The following HDLBP variants were observed in gnomAD, a reference collection of about 807,000 sequenced individuals.
The protein encoded by HDLBP is vigilin.
In HDLBP, 30 loss-of-function variants were observed where a neutral mutation model predicts 137.3. The ratio of observed to expected loss-of-function variants is 0.22; its 90% CI spans 0.16 to 0.30. The LOEUF (loss-of-function observed/expected upper bound fraction) is 0.30. HDLBP is among the 10% of genes least tolerant of loss of function. HDLBP has a pLI of 1.00. For synonymous variants in HDLBP, 606 were observed against 596.0 expected (o/e 1.02, Z -0.24); for missense variants, 1,119 against 1,667.3 (o/e 0.67, Z 5.73).
intron 1 of HDLBP, among the ~76,000 whole-genome samples, chr2:241,276,732 T>C (rs2149601901): frequency 6.6e-6 from 1 of 152,234 alleles, no homozygotes; most frequent in South Asian, 2.1e-4. Context: ...GGTCAAGAAC[T>C]TAAAAATTCA....
chr2:241,310,342 T>G (rs1317717568), intron 1 of HDLBP, among the ~76,000 whole-genome samples: 2 of 152,218 alleles, frequency 1.3e-5, no homozygotes, highest in Admixed American at 1.3e-4. Flanking sequence ...GGTTTTCTTT[T>G]ATGAGATATA....
In HDLBP at chr2:241,259,807, T is replaced by C. The variant is rs546148491; in HGVS notation, c.450+2904A>G. Among the ~76,000 whole-genome samples the C allele has an allele frequency of 1.5e-4, 23 of 152,218 alleles. No homozygotes were observed. In the South Asian group the frequency reaches 4.1e-3, roughly 27 times the overall value. On this transcript the variant is annotated intron_variant, in intron 5 of 27. Transcript: ENST00000310931. ...CTTAAAAGTACAATTATCCTAGCTCTGTCTTCTGAAAAAGCCTAGAAGCTC... is the reference window on the plus strand; with the variant it reads ...CTTAAAAGTACAATTATCCTAGCTCCGTCTTCTGAAAAAGCCTAGAAGCTC...
intron 5 of HDLBP, among the ~76,000 whole-genome samples, chr2:241,261,373 TATA>T (rs1167098647): frequency 6.6e-6 from 1 of 152,032 alleles, no homozygotes; most frequent in Non-Finnish European, 1.5e-5. Flanking sequence ...GTTAAAAAGG[TATA>T]ATATTAAGAA....
intron 1 of HDLBP, among the ~76,000 whole-genome samples, chr2:241,307,319 G>A (rs2075615313): frequency 6.6e-6 from 1 of 152,258 alleles, no homozygotes; most frequent in African/African-American, 2.4e-5. Context: ...GCCACTTGCT[G>A]ACTGTTGACT....
In HDLBP at chr2:241,233,394, T is replaced by A. The variant is rs927775977; in HGVS notation, c.3288+426A>T. Reference sequence around the variant, plus strand: ...AACAACAAGAGTTTACTAAGGACCATCTGGCAAGCACAACGGTGTTTGCAG... The same window carrying A: ...AACAACAAGAGTTTACTAAGGACCAACTGGCAAGCACAACGGTGTTTGCAG... On this transcript the variant is annotated intron_variant, in intron 24 of 27. Coordinates refer to ENST00000310931, the MANE Select transcript of HDLBP (RefSeq NM_005336.6). The surrounding 1 kb of genome is among the most constrained non-coding windows in gnomAD (Gnocchi z 4.3). 2.3e-4 allele frequency among the ~76,000 whole-genome samples: 35 copies of A among 152,180 alleles called. No individual in the cohort carries two copies. The highest frequency in any genetic ancestry group is 8.4e-4 in the African/African-American group (35 of 41,530).
intron 9 of HDLBP, among the ~76,000 whole-genome samples, 163 bp from the exon 10 acceptor site, chr2:241,253,660 G>C (rs1226815674): frequency 6.6e-6 from 1 of 152,188 alleles, no homozygotes; most frequent in African/African-American, 2.4e-5. Flanking sequence ...AAAGTTGAAA[G>C]GGAGGGTTAG....
chr2:241,262,695 G>C lies in HDLBP; in HGVS notation c.450+16C>G, dbSNP rs1443164066. 6.3e-7 allele frequency: 1 copy of C among 1,592,576 alleles called. No homozygotes were observed. Among genetic ancestry groups the C allele is most frequent in the South Asian group, 1.1e-5 (1 of 90,586 alleles). On this transcript the variant is annotated intron_variant, in intron 5 of 27. Transcript: ENST00000310931. Reference sequence around the variant, plus strand: ...GTACACAGTCACTGGGGAGAAGTAGGCCTCAGGCTACCCACCTGAGTCTGC... The same window carrying C: ...GTACACAGTCACTGGGGAGAAGTAGCCCTCAGGCTACCCACCTGAGTCTGC...
At chr2:241,275,264 A>T (rs1258937804) in intron 1 of HDLBP, among the ~76,000 whole-genome samples, 2 of 152,198 alleles carry the variant, frequency 1.3e-5, no homozygotes, top group African/African-American at 4.8e-5. Context: ...AGAGAGGCTA[A>T]AAGCCCAAAG....
chr2:241,289,199 G>A (rs1329519381), intron 1 of HDLBP, among the ~76,000 whole-genome samples: 1 of 152,144 alleles, frequency 6.6e-6, no homozygotes, highest in Admixed American at 6.5e-5. Flanking sequence ...CTCAAGGGTG[G>A]AGAGCATGTG....
rs758477087 is a variant in HDLBP at position 241,233,823 on chromosome 2, G to C, written c.3285C>G (p.Asn1095Lys). Residue 1095 changes from asparagine to lysine, a missense_variant, in exon 24 of 28, where the codon AAC (asparagine) becomes AAG (lysine). Physicochemically the swap from Asn to Lys is moderately conservative, Grantham distance 94. This residue lies in a region of HDLBP where 618 missense variants were observed against 816.7 expected (regional missense o/e 0.76). Transcript: ENST00000310931. This position sits in a 1 kb window ranked among gnomAD's most constrained non-coding sequence, Gnocchi z 4.3. ...ACGCTCCAACCGAGGCTCTCACCTG[G>C]TTCCCATCGTCCTTATCAGGAAACT... ...NIQFPDKDDG[N>K]QPQDQITITG... 26 of 1,613,988 alleles carry C rather than the reference G, an allele frequency of 1.6e-5. No individual in the cohort carries two copies. Among genetic ancestry groups the C allele is most frequent in the Non-Finnish European group, 2.1e-5 (25 of 1,180,020 alleles).
chr2:241,258,393 G>A (rs370116228), intron 5 of HDLBP, among the ~76,000 whole-genome samples: 16 of 148,444 alleles, frequency 1.1e-4, no homozygotes, highest in African/African-American at 3.2e-4. Context: ...CCATGGTGAC[G>A]TGTGCCTGTG....
intron 1 of HDLBP, among the ~76,000 whole-genome samples, chr2:241,292,314 C>T (rs1332538979): frequency 3.9e-5 from 6 of 151,922 alleles, no homozygotes; most frequent in African/African-American, 7.3e-5. Flanking sequence ...AAACCTGGGA[C>T]GTTCCACAGC....
chr2:241,276,986 T>TAAAA (rs757786857), intron 1 of HDLBP, among the ~76,000 whole-genome samples: 1 of 129,870 alleles, frequency 7.7e-6, no homozygotes, highest in African/African-American at 2.8e-5. Context: ...GGCCAGGAGC[T>TAAAA]AAAAAAAAAA....
intron 11 of HDLBP, among the ~76,000 whole-genome samples, chr2:241,252,170 C>T (rs927415584): frequency 1.3e-5 from 2 of 152,098 alleles, no homozygotes; most frequent in African/African-American, 4.8e-5. Context: ...ACAGGTGAGG[C>T]ATATAGCGAC....
intron 1 of HDLBP, among the ~76,000 whole-genome samples, chr2:241,299,272 G>C (rs1000725617): frequency 6.6e-6 from 1 of 151,966 alleles, no homozygotes; most frequent in East Asian, 1.9e-4. Flanking sequence ...TGTAATCCCA[G>C]CACTTTGGGA....
Position 241,239,399 on chromosome 2 carries a change from G to A in HDLBP, c.2610+203C>T, listed in dbSNP as rs920204793. Reference sequence around the variant, plus strand: ...CTCTTTTTTTTTTTAAGTGCTTCTCGCAGGCAGAATTCTCACCAACTATCA... The same window carrying A: ...CTCTTTTTTTTTTTAAGTGCTTCTCACAGGCAGAATTCTCACCAACTATCA... On this transcript the variant is annotated intron_variant, in intron 19 of 27. Coordinates refer to ENST00000310931, the MANE Select transcript of HDLBP (RefSeq NM_005336.6). This position sits in a 1 kb window ranked among gnomAD's most constrained non-coding sequence, Gnocchi z 4.6. Among the ~76,000 whole-genome samples, 6 of 147,930 alleles carry A rather than the reference G, an allele frequency of 4.1e-5. No individual in the cohort carries two copies. The highest frequency in any genetic ancestry group is 1.3e-4 in the African/African-American group (5 of 39,744).
chr2:241,311,334 C>T (rs2075752707), intron 1 of HDLBP, among the ~76,000 whole-genome samples: 2 of 152,130 alleles, frequency 1.3e-5, no homozygotes, highest in African/African-American at 4.8e-5. Flanking sequence ...GAGGCACTTT[C>T]GTACATACAA....
At chr2:241,295,104 A>AG (rs1196252147) in intron 1 of HDLBP, among the ~76,000 whole-genome samples, 3 of 152,236 alleles carry the variant, frequency 2.0e-5, no homozygotes, top group African/African-American at 7.2e-5. Context: ...TCTGTCTCAA[A>AG]GAAAAAAAGG....
At chr2:241,285,931 G>A (rs990168677) in intron 1 of HDLBP, among the ~76,000 whole-genome samples, 3 of 152,214 alleles carry the variant, frequency 2.0e-5, no homozygotes, top group Non-Finnish European at 2.9e-5. Context: ...GACTGAGGCA[G>A]AAGGATCATT....
Sources: gnomAD v4.1 joint callset for allele counts (sites outside exome capture counted in the v4.1 genomes callset) on GRCh38, gnomAD v4.1.1 for gene constraint, gnomAD v4.1.1 regional missense constraint, Gnocchi (gnomAD v3.1) non-coding constraint, MANE v1.5 for transcripts, NCBI Gene and HGNC (gene_info 2026-07-23, HGNC 2026-07-21) for gene names.